DCLK1: variants seen among roughly 807,000 people sequenced by gnomAD.
DCLK1 encodes doublecortin like kinase 1.
In DCLK1, 16 loss-of-function variants were observed where a neutral mutation model predicts 86.2. That is an observed-to-expected ratio of 0.19 (90% CI 0.13 to 0.28). The LOEUF (loss-of-function observed/expected upper bound fraction) is 0.28. Among genes scored for constraint, DCLK1 ranks in the 10% least tolerant of loss-of-function variants. The pLI, the probability that DCLK1 is intolerant of heterozygous loss-of-function variation, is 1.00. For synonymous variants in DCLK1, 369 were observed against 370.5 expected, an observed-to-expected ratio of 1.00 and a Z score of 0.05; for missense variants, 590 against 940.2, an observed-to-expected ratio of 0.63 and a Z score of 4.87.
At chr13:36,063,761 T>A (rs1480754493) in intron 3 of DCLK1, among the ~76,000 whole-genome samples, 1 of 152,226 alleles carries the variant, frequency 6.6e-6, no homozygotes, top group Non-Finnish European at 1.5e-5. Flanking sequence ...TTTTTCCTAG[T>A]AGCTAGTCAG....
In DCLK1 at chr13:35,816,628, T is replaced by G. The variant is rs946061513; in HGVS notation, c.1555-5660A>C. 2.6e-5 allele frequency among the ~76,000 whole-genome samples: 4 copies of G among 152,318 alleles called. No individual in the cohort carries two copies. The East Asian group carries it at 7.7e-4, about 29-fold the overall frequency. On this transcript the variant is annotated intron_variant, in intron 11 of 16. Transcript: ENST00000360631. ...AGATGAGAAAATTGAGATTCGAAGA[T>G]GTAAAGTAATTTACCCAGTGTTACA... is the stretch of plus-strand genomic sequence containing the variant.
chr13:35,890,224 T>C (rs1050117700), intron 4 of DCLK1, among the ~76,000 whole-genome samples: 1 of 152,168 alleles, frequency 6.6e-6, no homozygotes, highest in African/African-American at 2.4e-5. Context: ...TAGATAACAA[T>C]TTCTTGGCTG....
intron 5 of DCLK1, among the ~76,000 whole-genome samples, chr13:35,866,616 ATT>A (rs34743728): frequency 3.1e-4 from 42 of 135,180 alleles, no homozygotes; most frequent in Admixed American, 4.5e-4. Context: ...TAATTTTTGT[ATT>A]TTTTTTTTTT....
intron 11 of DCLK1, among the ~76,000 whole-genome samples, chr13:35,813,182 C>T (rs1299437644): frequency 2.0e-5 from 3 of 152,196 alleles, no homozygotes; most frequent in Non-Finnish European, 4.4e-5. Flanking sequence ...AATAACCTTT[C>T]TAAAATGCAA....
intron 3 of DCLK1, among the ~76,000 whole-genome samples, chr13:35,982,698 G>A (rs7982857): frequency 0.96 from 146,062 of 152,292 alleles, 70,283 homozygotes; most frequent in East Asian, 1. Flanking sequence ...GTTAAGTTAC[G>A]TCTGTTGCGG....
intron 3 of DCLK1, among the ~76,000 whole-genome samples, chr13:36,078,108 G>A (rs2153163009): frequency 6.6e-6 from 1 of 152,178 alleles, no homozygotes; most frequent in East Asian, 1.9e-4. Context: ...CCCCCATCAT[G>A]GGATTAGTGC....
At chr13:35,847,824 T>C (rs961150622) in intron 6 of DCLK1, 21 of 985,118 alleles carry the variant, frequency 2.1e-5, no homozygotes, top group Non-Finnish European at 2.3e-5. Flanking sequence ...CACAGGGATG[T>C]ATACAGATGA....
At chr13:35,786,123 A>G (rs1488048227) in intron 16 of DCLK1, among the ~76,000 whole-genome samples, 1 of 152,166 alleles carries the variant, frequency 6.6e-6, no homozygotes, top group Non-Finnish European at 1.5e-5. Context: ...TTGTCTGCTG[A>G]TGGGAACCAT....
At chr13:36,100,220 A>ACC in intron 3 of DCLK1, among the ~76,000 whole-genome samples, 1 of 141,786 alleles carries the variant, frequency 7.1e-6, no homozygotes, top group Non-Finnish European at 1.5e-5. Flanking sequence ...AAAACCACAC[A>ACC]CACACAAAAT....
At position 35,998,298 on chromosome 13, in the gene DCLK1, A is replaced by C. The variant is rs1338393607; in HGVS notation, c.724-50841T>G. 2.0e-5 allele frequency among the ~76,000 whole-genome samples: 3 copies of C among 152,298 alleles called. No homozygotes were observed. The East Asian group carries it at 5.8e-4, about 29-fold the overall frequency. The stretch of plus-strand genomic sequence containing the variant: ...TAAATAATATCATTATTAAAATAAA[A>C]ATGCCCTTCAATAGTTTTGAGTTTT... On this transcript the variant is annotated intron_variant, in intron 3 of 16. Coordinates refer to ENST00000360631, the MANE Select transcript of DCLK1 (RefSeq NM_001330071.2).
chr13:35,959,408 A>G (rs187076814), intron 3 of DCLK1, among the ~76,000 whole-genome samples: 7 of 152,188 alleles, frequency 4.6e-5, no homozygotes, highest in African/African-American at 1.7e-4. Context: ...ACAGGCAGAC[A>G]GTAGGAAATT....
chr13:35,958,865 T>G (rs1462791402), intron 3 of DCLK1, among the ~76,000 whole-genome samples: 1 of 152,222 alleles, frequency 6.6e-6, no homozygotes, highest in African/African-American at 2.4e-5. Context: ...AAAAATATAT[T>G]TGAGAGCAAG....
At chr13:35,959,445 C>G (rs1336986947) in intron 3 of DCLK1, among the ~76,000 whole-genome samples, 1 of 152,052 alleles carries the variant, frequency 6.6e-6, no homozygotes, top group Non-Finnish European at 1.5e-5. Flanking sequence ...ACCTGGAACA[C>G]CCCCCCACCT....
rs9593681 is a variant in DCLK1, at chr13:36,024,418, C to T, written c.724-76961G>A. On this transcript the variant is annotated intron_variant, in intron 3 of 16. Coordinates refer to ENST00000360631, the MANE Select transcript of DCLK1 (RefSeq NM_001330071.2). ...GGATTCAAAATCAATATACAAAAATCAACTGTATTTCTATAAACTAACGAG... is the reference window on the plus strand; with the variant it reads ...GGATTCAAAATCAATATACAAAAATTAACTGTATTTCTATAAACTAACGAG... Among the ~76,000 whole-genome samples, 341 of 152,188 alleles carry T rather than the reference C, an allele frequency of 2.2e-3. 1 individual carries two copies. Among genetic ancestry groups the T allele is most frequent in the African/African-American group, 7.9e-3 (328 of 41,548 alleles).
intron 4 of DCLK1, among the ~76,000 whole-genome samples, chr13:35,903,316 G>A (rs973592442): frequency 6.6e-6 from 1 of 152,208 alleles, no homozygotes; most frequent in African/African-American, 2.4e-5. Flanking sequence ...CTGGCCATAA[G>A]AGGAGGCAGA....
chr13:36,098,684 T>G (rs1035255806), intron 3 of DCLK1, among the ~76,000 whole-genome samples: 2 of 152,214 alleles, frequency 1.3e-5, no homozygotes, highest in African/African-American at 4.8e-5. Context: ...GGTGTAAACA[T>G]CTCCAAAGTC....
rs149182425 is a variant in DCLK1, at chr13:36,077,216, T to G, written c.723+34653A>C. On this transcript the variant is annotated intron_variant, in intron 3 of 16. Transcript: ENST00000360631. ...GACACTGCTATAAAGTCTTAACCAC[T>G]ATTTTATCTCCTTTCTGTATCCCAT... Among the ~76,000 whole-genome samples, 483 of 152,322 alleles carry G rather than the reference T, an allele frequency of 3.2e-3. 1 individual carries two copies. Among genetic ancestry groups the G allele is most frequent in the African/African-American group, 0.011 (464 of 41,572 alleles).
chr13:36,065,032 G>A (rs750964826), intron 3 of DCLK1, among the ~76,000 whole-genome samples: 2 of 152,142 alleles, frequency 1.3e-5, no homozygotes, highest in African/African-American at 4.8e-5. Flanking sequence ...GACTTTAAAC[G>A]GACTGCAGAT....
intron 7 of DCLK1, among the ~76,000 whole-genome samples, chr13:35,838,857 A>G (rs559920118): frequency 5.9e-5 from 9 of 152,310 alleles, no homozygotes; most frequent in African/African-American, 2.2e-4. Flanking sequence ...TAGGATACAT[A>G]TGCCCTCAGA....
Sources: gnomAD v4.1 joint callset for allele counts (sites outside exome capture counted in the v4.1 genomes callset) on GRCh38, gnomAD v4.1.1 for gene constraint, MANE v1.5 for transcripts, NCBI Gene and HGNC (gene_info 2026-07-23, HGNC 2026-07-21) for gene names.